The following SEC22A variants were observed in gnomAD, a reference collection of about 807,000 sequenced individuals.
SEC22A encodes vesicle-trafficking protein SEC22a.
SEC22A carries 22 observed loss-of-function variants against 35.3 expected under a neutral mutation model. That is an observed-to-expected ratio of 0.62 (90% CI 0.45 to 0.89). The LOEUF is 0.89. SEC22A is among the 40% of genes least tolerant of loss of function. The pLI, the probability that SEC22A is intolerant of heterozygous loss-of-function variation, is 0.00. For synonymous variants in SEC22A, 119 were observed against 129.5 expected (o/e 0.92, Z 0.55); for missense variants, 354 against 362.5 (o/e 0.98, Z 0.19).
At chr3:123,230,258 T>C (rs963861866) in intron 4 of SEC22A, among the ~76,000 whole-genome samples, 1 of 152,244 alleles carries the variant, frequency 6.6e-6, no homozygotes, top group Non-Finnish European at 1.5e-5. Flanking sequence ...AAATGTAATA[T>C]GTTTTCGCAT....
At chr3:123,262,405 G>A (rs1286317106) in intron 6 of SEC22A, among the ~76,000 whole-genome samples, 1 of 152,120 alleles carries the variant, frequency 6.6e-6, no homozygotes, top group Non-Finnish European at 1.5e-5. Context: ...TTAACATCTT[G>A]CAACACCTTC....
At chr3:123,264,717 C>G (rs893936012) in intron 6 of SEC22A, among the ~76,000 whole-genome samples, 2 of 151,504 alleles carry the variant, frequency 1.3e-5, no homozygotes, top group African/African-American at 4.9e-5. Context: ...CAACCTCCAC[C>G]TCCCGGGTTT....
In SEC22A at chr3:123,238,011, A is replaced by G. The variant is rs573727303; in HGVS notation, c.542-7888A>G. Among the ~76,000 whole-genome samples, 4 of 152,062 alleles carry G rather than the reference A, an allele frequency of 2.6e-5. No homozygotes were observed. In the East Asian group the frequency reaches 5.9e-4, roughly 22 times the overall value. ...TACAAAAAAAATTAAAAGATTAGCT[A>G]GACATGGTGGCACGTGACTGTAGTC... On this transcript the variant is annotated intron_variant, in intron 4 of 6. Transcript: ENST00000492595.
chr3:123,207,519 G>C (rs1279512963), intron 1 of SEC22A, among the ~76,000 whole-genome samples: 1 of 152,176 alleles, frequency 6.6e-6, no homozygotes, highest in Non-Finnish European at 1.5e-5. Flanking sequence ...GTGACATTGT[G>C]CTTTGATGGC....
intron 4 of SEC22A, among the ~76,000 whole-genome samples, chr3:123,237,047 TC>T (rs1464389601): frequency 6.6e-6 from 1 of 152,204 alleles, no homozygotes; most frequent in African/African-American, 2.4e-5. Context: ...GTTTTGCAGG[TC>T]ATATGGCCTC....
intron 5 of SEC22A, among the ~76,000 whole-genome samples, chr3:123,259,245 G>C (rs1036545994): frequency 6.6e-6 from 1 of 152,036 alleles, no homozygotes; most frequent in Non-Finnish European, 1.5e-5. Context: ...GGCTTTTATC[G>C]TTATGTCAGA....
intron 5 of SEC22A, among the ~76,000 whole-genome samples, chr3:123,256,582 G>C (rs1005422770): frequency 6.6e-6 from 1 of 151,876 alleles, no homozygotes; most frequent in Non-Finnish European, 1.5e-5. Context: ...GTCTTCCCTG[G>C]CCTTTCTTTT....
At chr3:123,213,538 C>G (rs1347949444) in intron 2 of SEC22A, among the ~76,000 whole-genome samples, 1 of 152,196 alleles carries the variant, frequency 6.6e-6, no homozygotes, top group Non-Finnish European at 1.5e-5. Context: ...AATGATCTCA[C>G]TCCTTTCACA....
At chr3:123,218,835 A>G (rs1031286842) in intron 2 of SEC22A, among the ~76,000 whole-genome samples, 9 of 152,224 alleles carry the variant, frequency 5.9e-5, no homozygotes, top group Non-Finnish European at 1.5e-5. Flanking sequence ...TTATTTACTG[A>G]GCACTTATGG....
intron 5 of SEC22A, among the ~76,000 whole-genome samples, chr3:123,257,654 G>A (rs147806453): frequency 1.1e-3 from 165 of 151,904 alleles, no homozygotes; most frequent in Admixed American, 7.3e-3. Context: ...AGCCGAGATC[G>A]CGCCACTGCA....
At chr3:123,256,760 T>TG (rs57668681) in intron 5 of SEC22A, among the ~76,000 whole-genome samples, 5 of 128,390 alleles carry the variant, frequency 3.9e-5, no homozygotes, top group Admixed American at 3.7e-4. Context: ...TTTCTTTCCT[T>TG]TTTTTTTTTT....
At position 123,219,028 on chromosome 3, in the gene SEC22A, G is replaced by A. The variant is rs534816160; in HGVS notation, c.183-4531G>A. On this transcript the variant is annotated intron_variant, in intron 2 of 6. Coordinates refer to ENST00000492595, the MANE Select transcript of SEC22A (RefSeq NM_012430.5). The stretch of plus-strand genomic sequence containing the variant: ...TAACAGCTGCTATGATATACTGTAG[G>A]AGTGGGATCAGTTTAGATTGTGTGT... Among the ~76,000 whole-genome samples the A allele has an allele frequency of 5.3e-5, 8 of 152,332 alleles. No individual in the cohort carries two copies. The East Asian group carries it at 1.2e-3, about 22-fold the overall frequency.
intron 6 of SEC22A, 80 bp from the exon 7 acceptor site, chr3:123,271,442 A>G (rs1938155800): frequency 8.5e-7 from 1 of 1,177,696 alleles, no homozygotes; most frequent in African/African-American, 1.5e-5. Flanking sequence ...TTACTCTCTG[A>G]CCTGTTACAA....
Position 123,225,315 on chromosome 3 carries a change from GTTATT to G in SEC22A, c.541+27_541+31del, listed in dbSNP as rs768147276. On this transcript the variant is annotated intron_variant, in intron 4 of 6. Transcript: ENST00000492595. ...TTCTTCTGGTGAGTTCTGGATCTCAGTTATTTTATTTTAAAAAAATCCTTGGGAAA... is the reference window on the plus strand; with the variant it reads ...TTCTTCTGGTGAGTTCTGGATCTCAGTTATTTTAAAAAAATCCTTGGGAAA... 1 of 1,460,484 alleles carries G rather than the reference GTTATT, an allele frequency of 6.8e-7. No homozygotes were observed. Among genetic ancestry groups the G allele is most frequent in the Non-Finnish European group, 9.3e-7 (1 of 1,079,954 alleles). 90.5% of individuals were successfully genotyped at this position (1,460,484 alleles called of 1,614,324 possible). A position where few individuals can be genotyped will look rare whatever the true frequency, so the allele number is the denominator to read the frequency against.
chr3:123,203,053 C>CTTTTTTTTTTTTTTTTTTT lies in SEC22A; in HGVS notation c.-20+1083_-20+1101dup, dbSNP rs779433710. Among the ~76,000 whole-genome samples, 9 of 43,838 alleles carry CTTTTTTTTTTTTTTTTTTT rather than the reference C, an allele frequency of 2.1e-4. 2 individuals carry two copies. Among genetic ancestry groups the CTTTTTTTTTTTTTTTTTTT allele is most frequent in the African/African-American group, 5.3e-4 (5 of 9,430 alleles). 28.8% of individuals were successfully genotyped at this position (43,838 alleles called of 152,430 possible). A position where few individuals can be genotyped will look rare whatever the true frequency, so the allele number is the denominator to read the frequency against. On this transcript the variant is annotated intron_variant, in intron 1 of 6. Coordinates refer to ENST00000492595, the MANE Select transcript of SEC22A (RefSeq NM_012430.5). ...GAAAACCATCACATCTGTTTAGTGC[C>CTTTTTTTTTTTTTTTTTTT]TTTTTTTTTTTTTTTTTTTTTTTTT...
chr3:123,256,567 A>G (rs903425482), intron 5 of SEC22A, among the ~76,000 whole-genome samples: 2 of 151,958 alleles, frequency 1.3e-5, no homozygotes, highest in African/African-American at 4.8e-5. Flanking sequence ...TACTCCATCT[A>G]GGAAGTCTTC....
At chr3:123,256,263 A>G (rs543984780) in intron 5 of SEC22A, among the ~76,000 whole-genome samples, 1 of 152,316 alleles carries the variant, frequency 6.6e-6, no homozygotes, top group Non-Finnish European at 1.5e-5. Context: ...CTCTGGATCA[A>G]ACTCTTTCCT....
chr3:123,240,493 G>C (rs141626453), intron 4 of SEC22A, among the ~76,000 whole-genome samples: 3 of 152,118 alleles, frequency 2.0e-5, no homozygotes, highest in African/African-American at 7.2e-5. Context: ...ATTCCTGAGC[G>C]GTATTCCATT....
At chr3:123,234,666 A>G (rs1337988506) in intron 4 of SEC22A, among the ~76,000 whole-genome samples, 1 of 152,202 alleles carries the variant, frequency 6.6e-6, no homozygotes, top group Non-Finnish European at 1.5e-5. Flanking sequence ...GAAAACATAC[A>G]TATAAATCTT....
Sources: gnomAD v4.1 joint callset for allele counts (sites outside exome capture counted in the v4.1 genomes callset) on GRCh38, gnomAD v4.1.1 for gene constraint, MANE v1.5 for transcripts, NCBI Gene and HGNC (gene_info 2026-07-23, HGNC 2026-07-21) for gene names.